The following GOLGA4 variants were observed in gnomAD, a reference collection of about 807,000 sequenced individuals.
GOLGA4 encodes golgin A4.
A neutral mutation model predicts 265.9 loss-of-function variants in GOLGA4; 169 were observed. The observed-to-expected ratio is 0.64, with a 90% confidence interval of 0.56 to 0.72. The LOEUF (loss-of-function observed/expected upper bound fraction) is 0.72. Among genes scored for constraint, GOLGA4 ranks in the 30% least tolerant of loss-of-function variants. GOLGA4 has a pLI of 0.00. For synonymous variants in GOLGA4, 923 were observed against 855.8 expected (o/e 1.08, Z -1.37); for missense variants, 2,482 against 2,483.4 (o/e 1.00, Z 0.01).
At chr3:37,306,848 A>T (rs948460975) in intron 10 of GOLGA4, among the ~76,000 whole-genome samples, 7 of 152,056 alleles carry the variant, frequency 4.6e-5, no homozygotes, top group Admixed American at 3.9e-4. Context: ...AGATTATTAT[A>T]TATTTTTGTT....
At chr3:37,290,187 A>C (rs943024194) in intron 5 of GOLGA4, among the ~76,000 whole-genome samples, 4 of 152,196 alleles carry the variant, frequency 2.6e-5, no homozygotes, top group Non-Finnish European at 5.9e-5. Flanking sequence ...AATTGAGAAA[A>C]ACTAGTATAA....
At chr3:37,357,112 T>G (rs1008136442) in intron 22 of GOLGA4, among the ~76,000 whole-genome samples, 3 of 151,764 alleles carry the variant, frequency 2.0e-5, no homozygotes, top group Non-Finnish European at 4.4e-5. Flanking sequence ...AAAAAAAGAG[T>G]CTTTGAAAAA....
At position 37,339,927 on chromosome 3, in the gene GOLGA4, GTATCA is replaced by G. The variant is rs141751618; in HGVS notation, c.6397-192_6397-188del. Among the ~76,000 whole-genome samples the G allele has an allele frequency of 6.5e-3, 990 of 151,362 alleles. 12 individuals carry two copies. Among genetic ancestry groups the G allele is most frequent in the African/African-American group, 0.022 (926 of 41,304 alleles). ...TTTTCTTTTATTCTGTGTTCTTTTG[GTATCA>G]TATCTAAGAAATCTTTAGTTTTAGT... is the stretch of plus-strand genomic sequence containing the variant. On this transcript the variant is annotated intron_variant, in intron 19 of 23. Transcript: ENST00000361924.
intron 20 of GOLGA4, among the ~76,000 whole-genome samples, chr3:37,346,817 G>T (rs1002471500): frequency 6.6e-6 from 1 of 152,116 alleles, no homozygotes; most frequent in Admixed American, 6.5e-5. Flanking sequence ...CCAGTGCTTT[G>T]TATTGTCTGA....
chr3:37,337,211 A>C (rs902031707), intron 18 of GOLGA4, 48 bp downstream of exon 18: 10 of 1,000,486 alleles, frequency 1.0e-5, no homozygotes, highest in Non-Finnish European at 1.5e-5. Context: ...TCTTTGAGAC[A>C]GATTCTCACT....
intron 4 of GOLGA4, among the ~76,000 whole-genome samples, chr3:37,288,850 T>C (rs2096857458): frequency 6.6e-6 from 1 of 152,234 alleles, no homozygotes; most frequent in Admixed American, 6.5e-5. Context: ...GGCTGTTAAT[T>C]GATGTGTTCC....
chr3:37,336,743 TG>T (rs1238833525), intron 17 of GOLGA4, among the ~76,000 whole-genome samples: 3 of 150,576 alleles, frequency 2.0e-5, no homozygotes, highest in Non-Finnish European at 4.4e-5. Flanking sequence ...CACTCCACCC[TG>T]GGCAACAAGA....
At chr3:37,276,118 G>A (rs1578455359) in intron 2 of GOLGA4, 1 of 1,610,122 alleles carries the variant, frequency 6.2e-7, no homozygotes, top group South Asian at 1.1e-5. Flanking sequence ...CTGTGCAGTT[G>A]AAGTGTAGGG....
At chr3:37,265,934 G>T (rs2150691104) in intron 2 of GOLGA4, among the ~76,000 whole-genome samples, 1 of 150,868 alleles carries the variant, frequency 6.6e-6, no homozygotes, top group East Asian at 2.0e-4. Context: ...GGCTGAGGTG[G>T]AAGATGGCTT....
At chr3:37,270,201 G>C (rs1469109759) in intron 2 of GOLGA4, among the ~76,000 whole-genome samples, 1 of 129,802 alleles carries the variant, frequency 7.7e-6, no homozygotes, top group Non-Finnish European at 1.6e-5. Context: ...GCCAGTTGTA[G>C]CTTTTTTTTT....
At chr3:37,349,493 A>G (rs534863292) in intron 21 of GOLGA4, among the ~76,000 whole-genome samples, 2 of 152,230 alleles carry the variant, frequency 1.3e-5, no homozygotes, top group African/African-American at 4.8e-5. Flanking sequence ...TGGGTTTTTG[A>G]AATCACAAGT....
At chr3:37,312,301 A>G (rs1379220846) in intron 10 of GOLGA4, among the ~76,000 whole-genome samples, 2 of 152,224 alleles carry the variant, frequency 1.3e-5, no homozygotes, top group African/African-American at 4.8e-5. Flanking sequence ...AATCTTTCCC[A>G]TAATTAGTCA....
chr3:37,366,051 T>C (rs1031520149), intron 23 of GOLGA4, 29 bp from the exon 24 acceptor site: 2 of 1,520,946 alleles, frequency 1.3e-6, no homozygotes, highest in African/African-American at 1.4e-5. Context: ...GCCCCCTTTC[T>C]TTATTCTCTT....
At chr3:37,303,352 G>A (rs536812964) in intron 10 of GOLGA4, among the ~76,000 whole-genome samples, 6 of 152,206 alleles carry the variant, frequency 3.9e-5, no homozygotes, top group Non-Finnish European at 5.9e-5. Context: ...GCCTTGCTAG[G>A]ATGGTGGTTC....
chr3:37,265,039 C>A (rs865842583), intron 2 of GOLGA4, among the ~76,000 whole-genome samples: 2 of 152,084 alleles, frequency 1.3e-5, no homozygotes, highest in Middle Eastern at 3.4e-3. Context: ...AGTACACTGT[C>A]CAAACAAGGA....
Position 37,333,389 on chromosome 3 carries a change from T to A in GOLGA4, c.6193-1664T>A, listed in dbSNP as rs531423923. On this transcript the variant is annotated intron_variant, in intron 16 of 23. Coordinates refer to ENST00000361924, the MANE Select transcript of GOLGA4 (RefSeq NM_002078.5). ...TCAAAGCAACAATATACTTTTTTTT[T>A]AAATCTTAAAATAAGACTAGAAGGC... Among the ~76,000 whole-genome samples, 34 of 152,296 alleles carry A rather than the reference T, an allele frequency of 2.2e-4. No homozygotes were observed. The South Asian group carries it at 4.8e-3, about 21-fold the overall frequency.
chr3:37,343,246 C>T (rs561264757), intron 20 of GOLGA4, among the ~76,000 whole-genome samples: 10 of 152,342 alleles, frequency 6.6e-5, no homozygotes, highest in Admixed American at 5.9e-4. Context: ...CTCAGCCTCC[C>T]GAGTAGCTGG....
At chr3:37,355,988 C>G (rs1300126756) in intron 22 of GOLGA4, among the ~76,000 whole-genome samples, 1 of 152,120 alleles carries the variant, frequency 6.6e-6, no homozygotes, top group African/African-American at 2.4e-5. Context: ...AAGCCAACAT[C>G]TTTTCCTTAA....
chr3:37,312,762 A>G (rs1236821080), intron 10 of GOLGA4, among the ~76,000 whole-genome samples: 1 of 152,006 alleles, frequency 6.6e-6, no homozygotes, highest in Non-Finnish European at 1.5e-5. Context: ...AGGCTCAGGC[A>G]ATCCTCCCAC....
Sources: allele counts gnomAD v4.1 joint callset (sites outside exome capture counted in the v4.1 genomes callset), GRCh38; gene constraint gnomAD v4.1.1; transcripts MANE v1.5; gene names NCBI Gene and HGNC (gene_info 2026-07-23, HGNC 2026-07-21).